RILPL1: variants seen among roughly 807,000 people sequenced by gnomAD.
The protein encoded by RILPL1 is Rab interacting lysosomal protein like 1.
RILPL1 carries 33 observed loss-of-function variants against 50.3 expected under a neutral mutation model. The observed-to-expected ratio is 0.66, with a 90% CI of 0.50 to 0.88. The LOEUF is 0.88. Among genes scored for constraint, RILPL1 ranks in the 40% least tolerant of loss-of-function variants. The probability of loss-of-function intolerance (pLI) is 0.00; values close to 1 mark genes in which losing one functional copy is unlikely to be tolerated. For synonymous variants in RILPL1, 205 were observed against 228.6 expected, an observed-to-expected ratio of 0.90 and a Z score of 0.93; for missense variants, 418 against 542.5, an observed-to-expected ratio of 0.77 and a Z score of 2.28.
chr12:123,472,730 T>A, intron 6 of RILPL1, 48 bp from the exon 7 acceptor site: 1 of 1,569,246 alleles, frequency 6.4e-7, no homozygotes, highest in Non-Finnish European at 8.6e-7. Flanking sequence ...CCCTTTGCTG[T>A]GCAAGTCACG....
intron 2 of RILPL1, among the ~76,000 whole-genome samples, chr12:123,511,853 GTC>G (rs1328843628): frequency 7.7e-6 from 1 of 130,422 alleles, no homozygotes; most frequent in Non-Finnish European, 1.6e-5. Context: ...TGAGGTCTGT[GTC>G]TGTGTGTGGT....
chr12:123,494,001 T>G (rs183505104), intron 4 of RILPL1, among the ~76,000 whole-genome samples: 7 of 152,096 alleles, frequency 4.6e-5, no homozygotes, highest in African/African-American at 1.7e-4. Flanking sequence ...CCCAGGCTAG[T>G]CTCAAACTCC....
intron 2 of RILPL1, among the ~76,000 whole-genome samples, chr12:123,510,210 G>A (rs961312755): frequency 9.4e-4 from 143 of 152,384 alleles, no homozygotes; most frequent in Non-Finnish European, 1.8e-3. Flanking sequence ...GGTCCTGTGA[G>A]GGATTCCCGG....
chr12:123,479,196 T>G lies in RILPL1; in HGVS notation c.1067+4984A>C, dbSNP rs906178871. On this transcript the variant is annotated intron_variant, in intron 6 of 6. Coordinates refer to ENST00000376874, the MANE Select transcript of RILPL1 (RefSeq NM_178314.5). ...TGATCTAAATGTCAGTGGGCTTCTC[T>G]GGGCCTCAGTTCCCTCATCTGAGAA... 3.3e-5 allele frequency among the ~76,000 whole-genome samples: 5 copies of G among 152,228 alleles called. No individual in the cohort carries two copies. In the East Asian group the frequency reaches 9.7e-4, roughly 29 times the overall value.
intron 1 of RILPL1, among the ~76,000 whole-genome samples, chr12:123,532,605 AGGGGAGTCCC>A (rs969114001): frequency 1.3e-5 from 2 of 149,544 alleles, no homozygotes; most frequent in African/African-American, 4.9e-5. Flanking sequence ...TTCATAAGCT[AGGGGAGTCCC>A]GGGAAGAAAG....
chr12:123,484,233 T>TG lies in RILPL1; in HGVS notation c.1013dup (p.Pro339ThrfsTer20). On this transcript the variant is annotated frameshift_variant, in exon 6 of 7. Coordinates refer to ENST00000376874, the MANE Select transcript of RILPL1 (RefSeq NM_178314.5). LOFTEE classifies it high-confidence loss of function. ...GGGACGTCCTCGGGTGGGCGATGGG[T>TG]GGGGGTTGGGGTATTCGGTTTTCCT... 2 of 1,526,146 alleles carry TG rather than the reference T, an allele frequency of 1.3e-6. No individual in the cohort carries two copies. Among genetic ancestry groups the TG allele is most frequent in the East Asian group, 2.3e-5 (1 of 43,868 alleles). The allele number at this position is 1,526,146 out of a possible 1,614,324, so 94.5% of individuals were successfully genotyped here.
chr12:123,522,239 G>A lies in RILPL1; in HGVS notation c.460+1256C>T, dbSNP rs1242639635. Among the ~76,000 whole-genome samples the A allele has an allele frequency of 6.6e-6, 1 of 152,238 alleles. No homozygotes were observed. Among genetic ancestry groups the A allele is most frequent in the African/African-American group, 2.4e-5 (1 of 41,468 alleles). On this transcript the variant is annotated intron_variant, in intron 2 of 6. Transcript: ENST00000376874. The surrounding 1 kb of genome is among the most constrained non-coding windows in gnomAD (Gnocchi z 4.0). ...GCTTTCCTTGGGGTGAGCTGCAGGAGGCACCCCTGCTTTAGCGGGCAGGAA... is the reference window on the plus strand; with the variant it reads ...GCTTTCCTTGGGGTGAGCTGCAGGAAGCACCCCTGCTTTAGCGGGCAGGAA...
chr12:123,519,034 G>C (rs2139378201), intron 2 of RILPL1, among the ~76,000 whole-genome samples: 1 of 140,604 alleles, frequency 7.1e-6, no homozygotes, highest in South Asian at 2.3e-4. Context: ...TCCAGCCTAG[G>C]CGACAGAGTG....
chr12:123,472,554 G>A lies in RILPL1; in HGVS notation c.1196C>T (p.Ala399Val), dbSNP rs966022427. The change falls in exon 7 of 7, where the codon GCC becomes GTC. Residue 399 changes from alanine (A) to valine (V), a missense_variant. Physicochemically the swap from Ala to Val is moderately conservative, Grantham distance 64. Transcript: ENST00000376874. ...DDGYTEQGQE[A>V]LQHL is the part of the protein sequence containing the mutation. ...GGGCCAAGGTCACAGATGCTGCAGG[G>A]CTTCCTGTCCTTGCTCTGTGTAACC... 2 of 1,552,018 alleles carry A rather than the reference G, an allele frequency of 1.3e-6. No individual in the cohort carries two copies. Among genetic ancestry groups the A allele is most frequent in the Non-Finnish European group, 1.7e-6 (2 of 1,147,286 alleles).
chr12:123,518,364 A>G, intron 2 of RILPL1: 1 of 424,904 alleles, frequency 2.4e-6, no homozygotes, highest in Non-Finnish European at 4.7e-6. Flanking sequence ...AAACTTAGCC[A>G]GGCGTGGTGG....
At chr12:123,515,735 C>T (rs1884649781) in intron 2 of RILPL1, among the ~76,000 whole-genome samples, 1 of 150,694 alleles carries the variant, frequency 6.6e-6, no homozygotes, top group South Asian at 2.1e-4. Flanking sequence ...CAGGTGTGAG[C>T]CACCGAGCCA....
chr12:123,526,549 C>T (rs1472300002), intron 1 of RILPL1, among the ~76,000 whole-genome samples: 1 of 152,188 alleles, frequency 6.6e-6, no homozygotes, highest in East Asian at 1.9e-4. Flanking sequence ...GCCCGGCACC[C>T]AGAAAGCACT....
At position 123,472,225 on chromosome 12, in the gene RILPL1, C is replaced by A; in HGVS notation, c.*313G>T. On this transcript the variant is annotated 3_prime_UTR_variant, in exon 7 of 7. Transcript: ENST00000376874. The stretch of plus-strand genomic sequence containing the variant: ...TGATAGTGGCAAGTGATGTATTTGG[C>A]TTAAAGAAGCTTGTGTTACTGAAGT... 1 of 296,760 alleles carries A rather than the reference C, an allele frequency of 3.4e-6. No homozygotes were observed. Among genetic ancestry groups the A allele is most frequent in the Non-Finnish European group, 6.3e-6 (1 of 157,774 alleles). 18.4% of individuals were successfully genotyped at this position (296,760 alleles called of 1,614,324 possible). A position where few individuals can be genotyped will look rare whatever the true frequency, so the allele number is the denominator to read the frequency against.
chr12:123,511,584 GGTGTGAGGTCTGTGTGTGTGGTGT>G (rs1414365361), intron 2 of RILPL1, among the ~76,000 whole-genome samples: 10 of 118,128 alleles, frequency 8.5e-5, no homozygotes, highest in African/African-American at 2.9e-4. Context: ...GTCTGTGGGT[GGTGTGAGGTCTGTGTGTGTGGTGT>G]GTGTGAGGTC....
At chr12:123,501,957 C>T (rs1254608363) in intron 2 of RILPL1, among the ~76,000 whole-genome samples, 1 of 151,676 alleles carries the variant, frequency 6.6e-6, no homozygotes, top group Admixed American at 6.6e-5. Context: ...TGCCTGTAAT[C>T]CCAGCTACTC....
chr12:123,499,767 C>T (rs1342751697), intron 2 of RILPL1, among the ~76,000 whole-genome samples: 1 of 151,710 alleles, frequency 6.6e-6, no homozygotes, highest in Admixed American at 6.6e-5. Flanking sequence ...GCCCATCAGT[C>T]CCTTCCTTCT....
chr12:123,493,207 C>T (rs528435012), intron 4 of RILPL1, among the ~76,000 whole-genome samples: 25 of 152,290 alleles, frequency 1.6e-4, no homozygotes, highest in African/African-American at 5.3e-4. Flanking sequence ...GTGGGACATG[C>T]GGGCAGCAAT....
In RILPL1 at chr12:123,471,755, CTT is replaced by C. The variant is rs1881202603; in HGVS notation, c.*781_*782del. ...TCTTTGCAGGGGACTAAGTATATGACTTAATGAATCCTAAAAGGAAAAAAAGA... is the reference window on the plus strand; with the variant it reads ...TCTTTGCAGGGGACTAAGTATATGACAATGAATCCTAAAAGGAAAAAAAGA... On this transcript the variant is annotated 3_prime_UTR_variant, in exon 7 of 7. Transcript: ENST00000376874. 2 of 152,608 alleles carry C rather than the reference CTT, an allele frequency of 1.3e-5. No individual in the cohort carries two copies. The highest frequency in any genetic ancestry group is 4.1e-4 in the South Asian group (2 of 4,828). 9.5% of individuals were successfully genotyped at this position (152,608 alleles called of 1,614,324 possible).
chr12:123,510,569 GGT>G (rs921205730), intron 2 of RILPL1, among the ~76,000 whole-genome samples: 3 of 112,862 alleles, frequency 2.7e-5, no homozygotes, highest in African/African-American at 9.4e-5. Flanking sequence ...GTCTGTGTCT[GGT>G]GTGTGTGTGA....
Sources: gnomAD v4.1 joint callset for allele counts (sites outside exome capture counted in the v4.1 genomes callset) on GRCh38, gnomAD v4.1.1 for gene constraint, Gnocchi (gnomAD v3.1) non-coding constraint, MANE v1.5 for transcripts, NCBI Gene and HGNC (gene_info 2026-07-23, HGNC 2026-07-21) for gene names.